NFIA: variants seen among roughly 807,000 people sequenced by gnomAD.
NFIA encodes nuclear factor 1 A-type.
In NFIA, 8 loss-of-function variants were observed where a neutral mutation model predicts 62.8. That is an observed-to-expected ratio of 0.13 (90% CI 0.07 to 0.23). The LOEUF (loss-of-function observed/expected upper bound fraction) is 0.23, where lower values mean the gene tolerates loss of function less well. NFIA is among the 10% of genes least tolerant of loss of function. NFIA has a pLI of 1.00. For missense variants in NFIA, 410 were observed against 642.1 expected, an observed-to-expected ratio of 0.64 and a Z score of 3.91; for synonymous variants, 235 against 238.1, an observed-to-expected ratio of 0.99 and a Z score of 0.12.
At chr1:61,342,006 A>G (rs1180993694) in intron 4 of NFIA, among the ~76,000 whole-genome samples, 1 of 152,168 alleles carries the variant, frequency 6.6e-6, no homozygotes, top group East Asian at 1.9e-4. Flanking sequence ...GGCTGTTGGT[A>G]GTGACCATCT....
At chr1:61,326,883 T>C (rs897191128) in intron 3 of NFIA, among the ~76,000 whole-genome samples, 1 of 151,862 alleles carries the variant, frequency 6.6e-6, no homozygotes, top group Non-Finnish European at 1.5e-5. Flanking sequence ...AACGAGGAGC[T>C]TGCAGTTCAC....
At chr1:61,308,844 G>T (rs1436297093) in intron 3 of NFIA, among the ~76,000 whole-genome samples, 2 of 152,160 alleles carry the variant, frequency 1.3e-5, no homozygotes, top group African/African-American at 4.8e-5. Context: ...TGATTCAGAA[G>T]CCCTGGTGGT....
At chr1:61,290,013 CTTT>C (rs34503737) in intron 3 of NFIA, among the ~76,000 whole-genome samples, 8 of 140,726 alleles carry the variant, frequency 5.7e-5, no homozygotes, top group African/African-American at 1.0e-4. Flanking sequence ...TTTTAAGTTT[CTTT>C]TTTTTTTTTT....
intron 9 of NFIA, among the ~76,000 whole-genome samples, chr1:61,422,496 C>T (rs866761062): frequency 2.6e-5 from 4 of 152,062 alleles, no homozygotes; most frequent in African/African-American, 9.7e-5. Context: ...TCCCTTATAC[C>T]TTCCCATTTG....
chr1:61,388,089 G>A (rs910485420), intron 7 of NFIA, among the ~76,000 whole-genome samples: 10 of 152,110 alleles, frequency 6.6e-5, no homozygotes, highest in African/African-American at 2.4e-4. Flanking sequence ...ACTTAACCTT[G>A]TCGCCTCAGT....
chr1:61,198,325 A>T (rs1034553231), intron 2 of NFIA, among the ~76,000 whole-genome samples: 4 of 152,220 alleles, frequency 2.6e-5, no homozygotes, highest in African/African-American at 9.6e-5. Context: ...TATGCAAATC[A>T]GACTTTTAAA....
At chr1:61,330,517 A>G (rs1036815588) in intron 3 of NFIA, among the ~76,000 whole-genome samples, 7 of 148,128 alleles carry the variant, frequency 4.7e-5, no homozygotes, top group African/African-American at 7.4e-5. Flanking sequence ...GAGAACACCA[A>G]CATTTAAGAG....
intron 4 of NFIA, among the ~76,000 whole-genome samples, chr1:61,336,493 T>G (rs1661616310): frequency 6.6e-6 from 1 of 152,222 alleles, no homozygotes; most frequent in Non-Finnish European, 1.5e-5. Flanking sequence ...GTACATTTGT[T>G]AAAATTCATG....
chr1:61,359,409 A>G (rs1325498621), intron 6 of NFIA, 135 bp downstream of exon 6: 5 of 1,267,812 alleles, frequency 3.9e-6, no homozygotes, highest in Non-Finnish European at 2.2e-6. Context: ...ACTTGTTTGT[A>G]TTGTAATCTG....
At chr1:61,077,654 A>G (rs1242720120), upstream of NFIA, 1 of 1,406,202 alleles carries the variant, frequency 7.1e-7, no homozygotes, top group Non-Finnish European at 9.4e-7. Context: ...TAAACTTTCT[A>G]TTTTGCATTT....
chr1:61,362,453 C>T (rs79581971), intron 6 of NFIA, among the ~76,000 whole-genome samples: 1 of 152,128 alleles, frequency 6.6e-6, no homozygotes, highest in Non-Finnish European at 1.5e-5. Context: ...CTTTGGTTTC[C>T]GTTTACCTGC....
At position 61,408,027 on chromosome 1, in the gene NFIA, G is replaced by A. The variant is rs117280714; in HGVS notation, c.1420+1300G>A. Among the ~76,000 whole-genome samples, 671 of 152,330 alleles carry A rather than the reference G, an allele frequency of 4.4e-3. 14 individuals are homozygous for A. The highest frequency in any genetic ancestry group is 0.044 in the East Asian group (226 of 5,186). ...TCATAGAATTTGATTCTGGGGGCAC[G>A]GAATCCAGATGGCTAGAGGCCCTCA... On this transcript the variant is annotated intron_variant, in intron 9 of 10. Coordinates refer to ENST00000403491, the MANE Select transcript of NFIA (RefSeq NM_001134673.4).
intron 2 of NFIA, among the ~76,000 whole-genome samples, chr1:61,141,220 C>G (rs754238814): frequency 2.0e-5 from 3 of 152,030 alleles, no homozygotes; most frequent in Admixed American, 6.6e-5. Flanking sequence ...GGAGTTAAGT[C>G]CTTCTCTAGA....
At chr1:61,303,754 C>G (rs1321078379) in intron 3 of NFIA, among the ~76,000 whole-genome samples, 2 of 152,214 alleles carry the variant, frequency 1.3e-5, no homozygotes, top group Non-Finnish European at 2.9e-5. Context: ...GCATTCCTAA[C>G]AAGGGTCCAA....
Position 61,277,548 on chromosome 1 carries a change from G to A in NFIA, c.588G>A (p.Gln196=). Residue 196 remains glutamine (Q), a synonymous_variant, in exon 3 of 11, where the codon CAG becomes CAA. Coordinates refer to ENST00000403491, the MANE Select transcript of NFIA (RefSeq NM_001134673.4). ...CAAGTCAATCTGAAAGTCCCAGCCAGCCAAGTGACGCTGACATTAAGGACC... is the reference window on the plus strand; with the variant it reads ...CAAGTCAATCTGAAAGTCCCAGCCAACCAAGTGACGCTGACATTAAGGACC... ...ADSSQSESPS[Q]PSDADIKDQP... is the part of the protein sequence containing the mutation. 1.2e-6 allele frequency: 2 copies of A among 1,613,848 alleles called. No individual in the cohort carries two copies. The highest frequency in any genetic ancestry group is 1.7e-6 in the Non-Finnish European group (2 of 1,179,840).
intron 2 of NFIA, among the ~76,000 whole-genome samples, chr1:61,193,073 C>G (rs1651754019): frequency 6.6e-6 from 1 of 152,156 alleles, no homozygotes; most frequent in South Asian, 2.1e-4. Context: ...GTATAGCGTT[C>G]AAAACTGGAA....
intron 7 of NFIA, among the ~76,000 whole-genome samples, chr1:61,396,468 A>G (rs1665275336): frequency 6.6e-6 from 1 of 152,112 alleles, no homozygotes; most frequent in Non-Finnish European, 1.5e-5. Flanking sequence ...GGTGGTCTCA[A>G]ACTCCTGGGC....
At chr1:61,096,214 T>G (rs1015858499) in intron 2 of NFIA, among the ~76,000 whole-genome samples, 2 of 151,956 alleles carry the variant, frequency 1.3e-5, no homozygotes, top group African/African-American at 2.4e-5. Context: ...AGCTTTTTTT[T>G]GTTGTTGTTG....
chr1:61,247,327 C>A (rs1394278912), intron 2 of NFIA, among the ~76,000 whole-genome samples: 1 of 152,146 alleles, frequency 6.6e-6, no homozygotes, highest in African/African-American at 2.4e-5. Flanking sequence ...TGTTTCATTT[C>A]GTGATATGCA....
Sources: allele counts gnomAD v4.1 joint callset (sites outside exome capture counted in the v4.1 genomes callset), GRCh38; gene constraint gnomAD v4.1.1; transcripts MANE v1.5; gene names NCBI Gene and HGNC (gene_info 2026-07-23, HGNC 2026-07-21).